ERCC8: variants seen among roughly 807,000 people sequenced by gnomAD.
The protein encoded by ERCC8 is ERCC excision repair 8, CSA ubiquitin ligase complex subunit.
ERCC8 carries 52 observed loss-of-function variants against 54.9 expected under a neutral mutation model. The ratio of observed to expected loss-of-function variants is 0.95; its 90% CI spans 0.76 to 1.19. The LOEUF (loss-of-function observed/expected upper bound fraction) is 1.19. Among genes scored for constraint, ERCC8 ranks in the 50% most tolerant of loss-of-function variants. ERCC8 has a pLI of 0.00. For missense variants in ERCC8, 514 were observed against 466.1 expected (o/e 1.10, Z -0.95); for synonymous variants, 146 against 157.2 (o/e 0.93, Z 0.53).
intron 1 of ERCC8, among the ~76,000 whole-genome samples, chr5:60,932,734 C>T (rs556278746): frequency 1.8e-4 from 27 of 152,202 alleles, no homozygotes; most frequent in African/African-American, 6.3e-4. Context: ...GAGTTCTCAG[C>T]CCTTCTAGAA....
rs377745901 is a variant in ERCC8 at position 60,874,608 on chromosome 5, A to G, written c.*7T>C. On this transcript the variant is annotated 3_prime_UTR_variant, in exon 12 of 12. Transcript: ENST00000676185. ...CAGCAGAGACAAAAAGGTACTAAAG[A>G]TGATATTCATCCTTCTTCATCACTG... 1.4e-5 allele frequency: 23 copies of G among 1,612,874 alleles called. No individual in the cohort carries two copies. The highest frequency in any genetic ancestry group is 3.4e-6 in the Non-Finnish European group (4 of 1,179,256).
At chr5:60,913,201 G>A (rs946697033) in intron 4 of ERCC8, among the ~76,000 whole-genome samples, 4 of 152,024 alleles carry the variant, frequency 2.6e-5, no homozygotes, top group Non-Finnish European at 4.4e-5. Flanking sequence ...GGTAGAATTC[G>A]GTTGTGAATC....
chr5:60,908,783 A>G (rs1166041683), intron 4 of ERCC8, among the ~76,000 whole-genome samples: 1 of 152,068 alleles, frequency 6.6e-6, no homozygotes, highest in African/African-American at 2.4e-5. Context: ...ATTTCAAGAT[A>G]AATGAGTCCA....
At chr5:60,885,214 A>G (rs2112469078) in intron 11 of ERCC8, among the ~76,000 whole-genome samples, 1 of 152,020 alleles carries the variant, frequency 6.6e-6, no homozygotes, top group East Asian at 1.9e-4. Context: ...GGGTCTTTCT[A>G]TGTTGCGTAG....
At chr5:60,878,324 A>G (rs1748083117) in intron 11 of ERCC8, among the ~76,000 whole-genome samples, 1 of 152,138 alleles carries the variant, frequency 6.6e-6, no homozygotes. Context: ...ATATTGGTGT[A>G]AAATTCTCTT....
rs1424351771 is a variant in ERCC8 at position 60,915,660 on chromosome 5, T to G, written c.399+2605A>C. ...TCTTCCAGAGACCACCCACATTTCT[T>G]GGCTTGTGATCCCCTTAATCCATCT... On this transcript the variant is annotated intron_variant, in intron 4 of 11. Transcript: ENST00000676185. Among the ~76,000 whole-genome samples the G allele has an allele frequency of 2.0e-5, 3 of 152,048 alleles. No homozygotes were observed. The South Asian group carries it at 6.2e-4, about 31-fold the overall frequency.
chr5:60,901,928 A>G (rs1359900481), intron 7 of ERCC8, among the ~76,000 whole-genome samples: 1 of 152,072 alleles, frequency 6.6e-6, no homozygotes, highest in Non-Finnish European at 1.5e-5. Flanking sequence ...ATGTACCTCT[A>G]TTAAAGCATT....
At chr5:60,911,438 GTT>G (rs1365137655) in intron 4 of ERCC8, among the ~76,000 whole-genome samples, 1 of 146,758 alleles carries the variant, frequency 6.8e-6, no homozygotes, top group African/African-American at 2.5e-5. Context: ...TTTTTGATGG[GTT>G]TTTTTTTTTC....
In ERCC8 at chr5:60,903,648, C is replaced by A; in HGVS notation, c.550G>T (p.Gly184Cys). The part of the protein sequence containing the change: ...KSGSCSHILQ[G>C]HRQEILAVSW... The stretch of plus-strand genomic sequence containing the variant: ...GCCGTTTGAAATAAAATAAAAATAC[C>A]CTGTAGAATGTGAGAACAGGATCCA... Residue 184 changes from glycine to cysteine, a missense_variant and splice_region_variant, in exon 6 of 12, where the codon GGT (glycine) becomes TGT (cysteine). Gly to Cys is a radical substitution (Grantham distance 159). Transcript: ENST00000676185. 1.2e-6 allele frequency: 2 copies of A among 1,612,224 alleles called. No individual in the cohort carries two copies. Among genetic ancestry groups the A allele is most frequent in the Non-Finnish European group, 1.7e-6 (2 of 1,178,948 alleles).
rs942913566 is a variant in ERCC8 at position 60,877,386 on chromosome 5, C to T, written c.1123-2703G>A. On this transcript the variant is annotated intron_variant, in intron 11 of 11. Transcript: ENST00000676185. Reference sequence around the variant, plus strand: ...GGGCTCTTTTTTGGTTCCACATGAACTTTAGTTTTTTCCAATTCTGTGAAG... The same window carrying T: ...GGGCTCTTTTTTGGTTCCACATGAATTTTAGTTTTTTCCAATTCTGTGAAG... Among the ~76,000 whole-genome samples, 236 of 150,796 alleles carry T rather than the reference C, an allele frequency of 1.6e-3. 1 individual carries two copies. Among genetic ancestry groups the T allele is most frequent in the African/African-American group, 5.5e-3 (229 of 41,336 alleles).
chr5:60,916,109 T>C (rs1425762897), intron 4 of ERCC8, among the ~76,000 whole-genome samples: 1 of 152,070 alleles, frequency 6.6e-6, no homozygotes, highest in Non-Finnish European at 1.5e-5. Flanking sequence ...CTTAAGTCTA[T>C]GGTCTCGCAT....
At chr5:60,925,537 TTGCTAAGTTTTCAACCAACCTG>T (rs1749722099) in intron 2 of ERCC8, among the ~76,000 whole-genome samples, 1 of 152,214 alleles carries the variant, frequency 6.6e-6, no homozygotes, top group African/African-American at 2.4e-5. Context: ...TCAAATTTGC[TTGCTAAGTTTTCAACCAACCTG>T]TTGGTTACTT....
intron 9 of ERCC8, chr5:60,892,702 T>G (rs1190623980): frequency 1.5e-6 from 1 of 680,740 alleles, no homozygotes; most frequent in African/African-American, 1.8e-5. Flanking sequence ...TAGATGTGGA[T>G]GCAGTTATGC....
At chr5:60,926,387 C>T (rs1451402398) in intron 2 of ERCC8, among the ~76,000 whole-genome samples, 2 of 152,106 alleles carry the variant, frequency 1.3e-5, no homozygotes, top group Non-Finnish European at 2.9e-5. Context: ...GCACAAGATC[C>T]TTATCTTGTG....
At position 60,871,226 on chromosome 5, in the gene ERCC8, G is replaced by A. The variant is rs1461519196; in HGVS notation, c.*3389C>T. 1.3e-5 allele frequency among the ~76,000 whole-genome samples: 2 copies of A among 152,220 alleles called. No individual in the cohort carries two copies. The highest frequency in any genetic ancestry group is 4.8e-5 in the African/African-American group (2 of 41,454). On this transcript the variant is annotated 3_prime_UTR_variant, in exon 12 of 12. Transcript: ENST00000676185. Reference sequence around the variant, plus strand: ...ACTAATAAACATGTAGCCTTGAACAGGGGACCAGCTGAAAACAACTGGGGG... The same window carrying A: ...ACTAATAAACATGTAGCCTTGAACAAGGGACCAGCTGAAAACAACTGGGGG...
chr5:60,876,219 T>C (rs1748001260), intron 11 of ERCC8, among the ~76,000 whole-genome samples: 1 of 152,230 alleles, frequency 6.6e-6, no homozygotes, highest in Non-Finnish European at 1.5e-5. Context: ...TCATCATTTT[T>C]TATGGCTGCA....
At chr5:60,912,622 C>A (rs918501256) in intron 4 of ERCC8, among the ~76,000 whole-genome samples, 1 of 152,052 alleles carries the variant, frequency 6.6e-6, no homozygotes, top group Non-Finnish European at 1.5e-5. Context: ...GAACTTCCAA[C>A]GCTATGTTAA....
At chr5:60,927,714 A>G in intron 2 of ERCC8, among the ~76,000 whole-genome samples, 1 of 152,118 alleles carries the variant, frequency 6.6e-6, no homozygotes, top group South Asian at 2.1e-4. Flanking sequence ...CCTGCTGCTC[A>G]TGTCTGCATG....
At chr5:60,935,598 C>T (rs1750040663) in intron 1 of ERCC8, among the ~76,000 whole-genome samples, 1 of 152,182 alleles carries the variant, frequency 6.6e-6, no homozygotes, top group Non-Finnish European at 1.5e-5. Flanking sequence ...TGAAAGTGGG[C>T]ATCCTTGTCT....
Sources: allele counts gnomAD v4.1 joint callset (sites outside exome capture counted in the v4.1 genomes callset), GRCh38; gene constraint gnomAD v4.1.1; transcripts MANE v1.5; gene names NCBI Gene and HGNC (gene_info 2026-07-23, HGNC 2026-07-21).